Variants in LAMA3 observed in about 807,000 individuals in gnomAD.
LAMA3 encodes the protein laminin subunit alpha-3.
Under a neutral mutation model 402.0 loss-of-function variants are expected in LAMA3, and 281 were observed. The ratio of observed to expected loss-of-function variants is 0.70; its 90% confidence interval spans 0.63 to 0.77. The LOEUF is 0.77. LAMA3 is among the 30% of genes least tolerant of loss of function. LAMA3 has a pLI of 0.00. For synonymous variants in LAMA3, 1,431 were observed against 1,558.4 expected, an observed-to-expected ratio of 0.92 and a Z score of 1.93; for missense variants, 3,840 against 4,215.5, an observed-to-expected ratio of 0.91 and a Z score of 2.47.
At chr18:23,908,533 CAAAAAA>C (rs111961159) in intron 54 of LAMA3, among the ~76,000 whole-genome samples, 3 of 57,018 alleles carry the variant, frequency 5.3e-5, no homozygotes, top group South Asian at 1.2e-3. Context: ...CCATCTCAAA[CAAAAAA>C]AAAAAAAAAA....
At chr18:23,799,597 G>A (rs1021013626) in intron 12 of LAMA3, among the ~76,000 whole-genome samples, 1 of 152,160 alleles carries the variant, frequency 6.6e-6, no homozygotes, top group South Asian at 2.1e-4. Flanking sequence ...CCACCACTGC[G>A]CTCCAGGCAG....
At chr18:23,692,949 A>G (rs1598587719) in intron 1 of LAMA3, among the ~76,000 whole-genome samples, 1 of 152,264 alleles carries the variant, frequency 6.6e-6, no homozygotes, top group East Asian at 1.9e-4. Flanking sequence ...TATTGTTGCA[A>G]ATTACATCTT....
Position 23,816,457 on chromosome 18 carries a change from G to C in LAMA3, c.2117G>C (p.Arg706Pro). ...CSGPSGVCQCREHVVGKVCQR... is the reference protein window; with the variant it reads ...CSGPSGVCQCPEHVVGKVCQR... ...GGGCCCTCGGGAGTGTGCCAGTGCC[G>C]AGAGCATGTCGTGGGAAAGGTGTGC... The change falls in exon 18 of 75, where the codon CGA (arginine) becomes CCA (proline). Residue 706 changes from arginine to proline, a missense_variant. By Grantham distance (103) the Arg-to-Pro change is moderately radical. This residue lies in a region of LAMA3 where 2,109 missense variants were observed against 2,376.0 expected (regional missense o/e 0.89). Coordinates refer to ENST00000313654, the MANE Select transcript of LAMA3 (RefSeq NM_198129.4). The C allele has an allele frequency of 6.2e-7, 1 of 1,614,072 alleles. No homozygotes were observed. Among genetic ancestry groups the C allele is most frequent in the Non-Finnish European group, 8.5e-7 (1 of 1,179,992 alleles).
intron 42 of LAMA3, among the ~76,000 whole-genome samples, chr18:23,893,652 C>G (rs763771117): frequency 6.6e-6 from 1 of 152,116 alleles, no homozygotes; most frequent in South Asian, 2.1e-4. Context: ...TGTGGGCCCA[C>G]TGACATTGTA....
chr18:23,848,853 C>A (rs147931139), intron 32 of LAMA3, among the ~76,000 whole-genome samples: 1 of 150,336 alleles, frequency 6.7e-6, no homozygotes, highest in Admixed American at 6.7e-5. Context: ...CTGTTCCATG[C>A]CTTTCTCTTC....
At chr18:23,907,977 C>G in intron 54 of LAMA3, 42 bp downstream of exon 54, 2 of 1,588,754 alleles carry the variant, frequency 1.3e-6, no homozygotes, top group Non-Finnish European at 1.7e-6. Flanking sequence ...GCCATTCTCT[C>G]CATTGTTATG....
At chr18:23,861,864 G>A (rs2064232815) in intron 35 of LAMA3, 57 bp downstream of exon 35, 4 of 1,520,826 alleles carry the variant, frequency 2.6e-6, no homozygotes, top group Non-Finnish European at 3.6e-6. Flanking sequence ...ATTGCTGCAT[G>A]AGCATCATTT....
At chr18:23,917,046 G>A (rs144903900) in intron 60 of LAMA3, among the ~76,000 whole-genome samples, 74 of 152,174 alleles carry the variant, frequency 4.9e-4, no homozygotes, top group African/African-American at 1.7e-3. Context: ...GTAGGCCCCA[G>A]GGTCTGTTGT....
chr18:23,932,892 C>T (rs1413133280), intron 66 of LAMA3, among the ~76,000 whole-genome samples: 1 of 152,214 alleles, frequency 6.6e-6, no homozygotes, highest in East Asian at 1.9e-4. Context: ...CCCATCAGGG[C>T]TCCATCCTCC....
chr18:23,884,047 G>GGTGTGT lies in LAMA3; in HGVS notation c.5223-679_5223-674dup, dbSNP rs60711151. 1.3e-3 allele frequency among the ~76,000 whole-genome samples: 183 copies of GGTGTGT among 138,888 alleles called. 1 individual carries two copies. In the South Asian group the frequency reaches 0.013, roughly 10 times the overall value. 91.1% of individuals were successfully genotyped at this position (138,888 alleles called of 152,430 possible). On this transcript the variant is annotated intron_variant, in intron 40 of 74. Transcript: ENST00000313654. ...AACAGGGCTTTTTCATGGTCTCTTT[G>GGTGTGT]GTGTGTGTGTGTGTGTGTGTGTGTG... is the stretch of plus-strand genomic sequence containing the variant.
In LAMA3 at chr18:23,763,166, T is replaced by A. The variant is rs568331226; in HGVS notation, c.1064-239T>A. ...AGCCACTATGCCTAGCCCCAAGTAG[T>A]ATTTTTTTAAAAAAAGAGAAACTTC... On this transcript the variant is annotated intron_variant, in intron 7 of 74. Transcript: ENST00000313654. Among the ~76,000 whole-genome samples the A allele has an allele frequency of 2.4e-4, 37 of 152,140 alleles. No individual in the cohort carries two copies. In the East Asian group the frequency reaches 4.6e-3, roughly 19 times the overall value.
chr18:23,853,968 A>G (rs2064004247), intron 32 of LAMA3, among the ~76,000 whole-genome samples: 1 of 152,324 alleles, frequency 6.6e-6, no homozygotes, highest in Admixed American at 6.5e-5. Context: ...TGCATAACTC[A>G]ATTATCTAAA....
chr18:23,816,449 C>T lies in LAMA3; in HGVS notation c.2109C>T (p.Cys703=). ...TGTGCAGTGGGCCCTCGGGAGTGTGCCAGTGCCGAGAGCATGTCGTGGGAA... is the reference window on the plus strand; with the variant it reads ...TGTGCAGTGGGCCCTCGGGAGTGTGTCAGTGCCGAGAGCATGTCGTGGGAA... ...SSMCSGPSGV[C]QCREHVVGKV... The change falls in exon 18 of 75, where the codon TGC becomes TGT. Residue 703 remains cysteine, a synonymous_variant. Coordinates refer to ENST00000313654, the MANE Select transcript of LAMA3 (RefSeq NM_198129.4). 6.2e-7 allele frequency: 1 copy of T among 1,613,922 alleles called. No homozygotes were observed. Among genetic ancestry groups the T allele is most frequent in the Non-Finnish European group, 8.5e-7 (1 of 1,179,946 alleles).
chr18:23,935,484 A>G (rs919201340), intron 67 of LAMA3, among the ~76,000 whole-genome samples: 14 of 152,130 alleles, frequency 9.2e-5, no homozygotes, highest in Non-Finnish European at 1.3e-4. Flanking sequence ...TTTGGATGGA[A>G]TAGGACATTA....
chr18:23,915,942 G>A (rs969075817), intron 59 of LAMA3, among the ~76,000 whole-genome samples: 3 of 135,272 alleles, frequency 2.2e-5, no homozygotes, highest in African/African-American at 8.3e-5. Context: ...GGAGGTCAAG[G>A]TTGCAATGAG....
chr18:23,936,167 T>A (rs1251865261), intron 67 of LAMA3, among the ~76,000 whole-genome samples: 2 of 141,122 alleles, frequency 1.4e-5, no homozygotes, highest in African/African-American at 5.2e-5. Flanking sequence ...AATGGTAGAG[T>A]CAGGATTCAA....
At chr18:23,826,141 T>C (rs1414537639) in intron 21 of LAMA3, among the ~76,000 whole-genome samples, 1 of 152,208 alleles carries the variant, frequency 6.6e-6, no homozygotes, top group African/African-American at 2.4e-5. Context: ...CTCTGCTCTT[T>C]CCTGAAGAGC....
chr18:23,710,002 C>T, intron 1 of LAMA3: 1 of 748,064 alleles, frequency 1.3e-6, no homozygotes. Flanking sequence ...ACAACGAACA[C>T]AAGTGTGTTG....
chr18:23,701,573 C>T (rs2060789894), intron 1 of LAMA3, among the ~76,000 whole-genome samples: 1 of 152,208 alleles, frequency 6.6e-6, no homozygotes, highest in Admixed American at 6.5e-5. Flanking sequence ...ATCAAATCAA[C>T]TAATACTGAG....
Sources: gnomAD v4.1 joint callset for allele counts (sites outside exome capture counted in the v4.1 genomes callset) on GRCh38, gnomAD v4.1.1 for gene constraint, gnomAD v4.1.1 regional missense constraint, MANE v1.5 for transcripts, NCBI Gene and HGNC (gene_info 2026-07-23, HGNC 2026-07-21) for gene names.